HMGCLL1: variants seen among roughly 807,000 people sequenced by gnomAD.
HMGCLL1 encodes the protein 3-hydroxymethyl-3-methylglutaryl-CoA lyase, cytoplasmic.
Under a neutral mutation model 39.1 loss-of-function variants are expected in HMGCLL1, and 36 were observed. That is an observed-to-expected ratio of 0.92 (90% CI 0.71 to 1.22). HMGCLL1 has a LOEUF of 1.22. HMGCLL1 is among the 50% of genes most tolerant of loss of function. The pLI, the probability that HMGCLL1 is intolerant of heterozygous loss-of-function variation, is 0.00. For missense variants in HMGCLL1, 451 were observed against 416.5 expected (o/e 1.08, Z -0.72); for synonymous variants, 149 against 144.0 (o/e 1.03, Z -0.25).
chr6:55,497,651 G>A (rs1440331345), intron 6 of HMGCLL1, among the ~76,000 whole-genome samples: 1 of 152,124 alleles, frequency 6.6e-6, no homozygotes, highest in Non-Finnish European at 1.5e-5. Context: ...AGAGCATGTA[G>A]TAAAGGAAAT....
chr6:55,631,933 T>C, the HMGCLL1 span, among the ~76,000 whole-genome samples: 1 of 152,114 alleles, frequency 6.6e-6, no homozygotes. Context: ...AGGAAGGGTA[T>C]TCTATGGGCC....
At chr6:55,451,707 G>C (rs2127389233) in intron 7 of HMGCLL1, among the ~76,000 whole-genome samples, 1 of 152,242 alleles carries the variant, frequency 6.6e-6, no homozygotes, top group South Asian at 2.1e-4. Context: ...CCAGTTCCAA[G>C]GTAGATGTTA....
At chr6:55,648,916 A>G in the HMGCLL1 span, among the ~76,000 whole-genome samples, 2 of 147,814 alleles carry the variant, frequency 1.4e-5, no homozygotes, top group East Asian at 2.0e-4. Context: ...ACAACCAAAA[A>G]AGAGAATTTT....
At chr6:55,666,467 C>T in the HMGCLL1 span, among the ~76,000 whole-genome samples, 1 of 151,578 alleles carries the variant, frequency 6.6e-6, no homozygotes, top group African/African-American at 2.4e-5. Context: ...TTTCCCACCC[C>T]TTGCCATGTC....
chr6:55,495,324 T>C (rs1766514115), intron 7 of HMGCLL1, 95 bp downstream of exon 7: 3 of 965,974 alleles, frequency 3.1e-6, no homozygotes, highest in Non-Finnish European at 4.6e-6. Flanking sequence ...TAACATTTTA[T>C]GAAAATTGTA....
At chr6:55,473,177 G>A (rs1269735015) in intron 7 of HMGCLL1, among the ~76,000 whole-genome samples, 2 of 151,072 alleles carry the variant, frequency 1.3e-5, no homozygotes, top group African/African-American at 4.9e-5. Context: ...ACAAATAGTT[G>A]GGTCTTGCTT....
At chr6:55,439,979 A>G (rs1296936625) in intron 7 of HMGCLL1, among the ~76,000 whole-genome samples, 2 of 152,170 alleles carry the variant, frequency 1.3e-5, no homozygotes, top group Non-Finnish European at 2.9e-5. Context: ...AATGCCTTAG[A>G]TGACTGGTAT....
intron 1 of HMGCLL1, among the ~76,000 whole-genome samples, chr6:55,556,716 T>G (rs1240375384): frequency 6.6e-6 from 1 of 152,008 alleles, no homozygotes; most frequent in Non-Finnish European, 1.5e-5. Flanking sequence ...AGACTAAAAA[T>G]TAGGAGTTCA....
At chr6:55,602,233 C>A in the HMGCLL1 span, among the ~76,000 whole-genome samples, 1 of 152,016 alleles carries the variant, frequency 6.6e-6, no homozygotes, top group African/African-American at 2.4e-5. Context: ...CAGGAGATAC[C>A]TCATAGATCT....
At chr6:55,457,934 T>C (rs1764396785) in intron 7 of HMGCLL1, among the ~76,000 whole-genome samples, 1 of 152,056 alleles carries the variant, frequency 6.6e-6, no homozygotes, top group South Asian at 2.1e-4. Context: ...CTAGACATTG[T>C]GGGAGGAAGA....
At chr6:55,535,115 A>C (rs1264176036) in intron 3 of HMGCLL1, among the ~76,000 whole-genome samples, 1 of 152,218 alleles carries the variant, frequency 6.6e-6, no homozygotes, top group East Asian at 1.9e-4. Context: ...TTCAATGACC[A>C]TTTGAGATCA....
In HMGCLL1 at chr6:55,542,113, C is replaced by A; in HGVS notation, c.136G>T (p.Glu46Ter). 1 of 1,610,302 alleles carries A rather than the reference C, an allele frequency of 6.2e-7. No individual in the cohort carries two copies. Among genetic ancestry groups the A allele is most frequent in the Admixed American group, 1.7e-5 (1 of 59,766 alleles). Residue 46 changes from glutamate to a stop codon, truncating the protein, a stop_gained, in exon 2 of 9, where the codon GAG becomes TAG. Transcript: ENST00000274901. LOFTEE classifies it high-confidence loss of function. ...QETSQLSGLP[E>*]FVKIVEVGPR... ...CCAACTTCTACTATTTTAACAAACT[C>A]AGGGAGTCCAGATAACTGGGATGTT...
chr6:55,643,682 T>A, the HMGCLL1 span, among the ~76,000 whole-genome samples: 1 of 151,968 alleles, frequency 6.6e-6, no homozygotes, highest in African/African-American at 2.4e-5. Flanking sequence ...TATTTTTAGA[T>A]CCCCCAAATA....
intron 7 of HMGCLL1, among the ~76,000 whole-genome samples, chr6:55,477,326 A>ATTATATAATATATATTATAT (rs1765454228): frequency 6.2e-5 from 1 of 16,056 alleles, no homozygotes; most frequent in African/African-American, 4.7e-4. Flanking sequence ...TATATATTAT[A>ATTATATAATATATATTATAT]TTATATAATA....
At chr6:55,661,109 A>G in the HMGCLL1 span, among the ~76,000 whole-genome samples, 1 of 151,972 alleles carries the variant, frequency 6.6e-6, no homozygotes, top group African/African-American at 2.4e-5. Context: ...TAAATGCTGG[A>G]TAGTAAACCT....
intron 1 of HMGCLL1, among the ~76,000 whole-genome samples, chr6:55,554,489 G>A (rs775140121): frequency 3.8e-4 from 57 of 151,988 alleles, no homozygotes; most frequent in Non-Finnish European, 7.1e-4. Context: ...AAGCAACCCA[G>A]TTATTCATTT....
At chr6:55,664,823 C>T in the HMGCLL1 span, among the ~76,000 whole-genome samples, 5 of 151,624 alleles carry the variant, frequency 3.3e-5, no homozygotes, top group African/African-American at 9.7e-5. Flanking sequence ...AGCCCTCAGT[C>T]CTTTGCTCCT....
intron 1 of HMGCLL1, chr6:55,576,957 AG>A: frequency 7.7e-7 from 1 of 1,303,684 alleles, no homozygotes; most frequent in East Asian, 2.4e-5. Flanking sequence ...CAAGAGAAAT[AG>A]GGGAATGTAA....
intron 1 of HMGCLL1, among the ~76,000 whole-genome samples, chr6:55,566,315 G>A: frequency 6.6e-6 from 1 of 152,072 alleles, no homozygotes; most frequent in East Asian, 1.9e-4. Context: ...AAGCTTCCTA[G>A]ACCCTATTGC....
Sources: allele counts gnomAD v4.1 joint callset (sites outside exome capture counted in the v4.1 genomes callset), GRCh38; gene constraint gnomAD v4.1.1; transcripts MANE v1.5; gene names NCBI Gene and HGNC (gene_info 2026-07-23, HGNC 2026-07-21).